The following PTPRD variants were observed in gnomAD, a reference collection of about 807,000 sequenced individuals.
The protein encoded by PTPRD is protein tyrosine phosphatase receptor type D.
A neutral mutation model predicts 214.5 loss-of-function variants in PTPRD; 34 were observed. The observed-to-expected ratio is 0.16, with a 90% CI of 0.12 to 0.21. The LOEUF (loss-of-function observed/expected upper bound fraction) is 0.21, where lower values mean the gene tolerates loss of function less well. PTPRD is among the 10% of genes least tolerant of loss of function. The pLI, the probability that PTPRD is intolerant of heterozygous loss-of-function variation, is 1.00. For missense variants in PTPRD, 2,545 were observed against 2,398.7 expected (o/e 1.06, Z -1.27); for synonymous variants, 1,128 against 845.7 (o/e 1.33, Z -5.79).
At chr9:8,673,509 T>A (rs1174990703) in intron 12 of PTPRD, among the ~76,000 whole-genome samples, 2 of 152,230 alleles carry the variant, frequency 1.3e-5, no homozygotes, top group African/African-American at 4.8e-5. Context: ...CAACTGCCAC[T>A]TATTTACACT....
intron 19 of PTPRD, among the ~76,000 whole-genome samples, chr9:8,521,857 A>G (rs968305060): frequency 6.6e-6 from 1 of 152,226 alleles, no homozygotes; most frequent in African/African-American, 2.4e-5. Flanking sequence ...CATAAGATAA[A>G]CACAAAAACA....
At chr9:9,558,963 G>T (rs1205323979) in intron 8 of PTPRD, among the ~76,000 whole-genome samples, 1 of 152,178 alleles carries the variant, frequency 6.6e-6, no homozygotes, top group Non-Finnish European at 1.5e-5. Context: ...TAAGGGACTT[G>T]TACTCAGTGT....
At chr9:9,939,838 T>G (rs1288352017) in intron 4 of PTPRD, among the ~76,000 whole-genome samples, 1 of 152,196 alleles carries the variant, frequency 6.6e-6, no homozygotes, top group Non-Finnish European at 1.5e-5. Context: ...TTGCTTAATG[T>G]AAATCAAACC....
intron 7 of PTPRD, among the ~76,000 whole-genome samples, chr9:9,595,391 CATATACAT>C (rs1417100166): frequency 7.6e-5 from 11 of 144,890 alleles, no homozygotes; most frequent in East Asian, 4.0e-4. Context: ...TATATTCCAC[CATATACAT>C]ATATACATAT....
intron 9 of PTPRD, among the ~76,000 whole-genome samples, chr9:9,361,840 C>G (rs1203434255): frequency 6.6e-6 from 1 of 151,004 alleles, no homozygotes; most frequent in East Asian, 2.0e-4. Context: ...TATTATACAA[C>G]TATTTATCAG....
At position 10,226,393 on chromosome 9, in the gene PTPRD, T is replaced by C. The variant is rs868470260; in HGVS notation, c.-545+114570A>G. Among the ~76,000 whole-genome samples, 5 of 151,740 alleles carry C rather than the reference T, an allele frequency of 3.3e-5. 1 individual carries two copies. In the Middle Eastern group the frequency reaches 0.01, roughly 310 times the overall value. ...TCCTCCCTCCAGTTTCCTCTCCAGGTGGAGGGTGACAACAGCCACAGAAAG... is the reference window on the plus strand; with the variant it reads ...TCCTCCCTCCAGTTTCCTCTCCAGGCGGAGGGTGACAACAGCCACAGAAAG... On this transcript the variant is annotated intron_variant, in intron 3 of 45. Transcript: ENST00000381196.
intron 14 of PTPRD, among the ~76,000 whole-genome samples, chr9:8,562,006 T>C (rs912631450): frequency 2.6e-5 from 4 of 152,144 alleles, no homozygotes; most frequent in African/African-American, 7.2e-5. Flanking sequence ...AGACCTACCA[T>C]TTAACCACAA....
At chr9:9,018,655 T>G (rs1375429004) in intron 11 of PTPRD, 42 bp downstream of exon 11, 2 of 152,248 alleles carry the variant, frequency 1.3e-5, no homozygotes, top group East Asian at 3.9e-4. Context: ...ATAAATAAAA[T>G]GTGAAAGCCA....
chr9:10,261,769 A>G (rs1462802076), intron 3 of PTPRD, among the ~76,000 whole-genome samples: 1 of 152,146 alleles, frequency 6.6e-6, no homozygotes, highest in Non-Finnish European at 1.5e-5. Flanking sequence ...TCTTATAAAA[A>G]GTGATAATGG....
intron 6 of PTPRD, among the ~76,000 whole-genome samples, chr9:9,755,324 T>C (rs997308702): frequency 6.6e-6 from 1 of 152,052 alleles, no homozygotes; most frequent in Non-Finnish European, 1.5e-5. Context: ...AATTAGAAAT[T>C]GTTTTAAGGG....
At chr9:10,431,560 A>C (rs1358017482) in intron 2 of PTPRD, among the ~76,000 whole-genome samples, 1 of 151,640 alleles carries the variant, frequency 6.6e-6, no homozygotes, top group Non-Finnish European at 1.5e-5. Flanking sequence ...AATATCCAGA[A>C]TCTACAATGA....
intron 14 of PTPRD, among the ~76,000 whole-genome samples, chr9:8,598,613 T>A (rs756546222): frequency 8.5e-5 from 13 of 152,312 alleles, no homozygotes; most frequent in Non-Finnish European, 1.5e-4. Context: ...GGTCTTTCTA[T>A]CAGATCATGC....
intron 8 of PTPRD, among the ~76,000 whole-genome samples, chr9:9,471,328 A>T (rs1445716377): frequency 6.6e-6 from 1 of 152,186 alleles, no homozygotes; most frequent in Admixed American, 6.5e-5. Flanking sequence ...TGAACTTATT[A>T]TACTGTCAAC....
At chr9:9,228,927 T>C (rs1302852883) in intron 9 of PTPRD, among the ~76,000 whole-genome samples, 4 of 152,068 alleles carry the variant, frequency 2.6e-5, no homozygotes, top group South Asian at 4.1e-4. Context: ...AGTTTATGTA[T>C]GTACATTACC....
intron 9 of PTPRD, among the ~76,000 whole-genome samples, chr9:9,377,896 T>C (rs563584892): frequency 6.6e-6 from 1 of 151,826 alleles, no homozygotes; most frequent in African/African-American, 2.4e-5. Flanking sequence ...GATTTTTGTT[T>C]TGTTGTTGTT....
intron 9 of PTPRD, among the ~76,000 whole-genome samples, chr9:9,330,569 T>C (rs2041924325): frequency 6.6e-6 from 1 of 152,078 alleles, no homozygotes; most frequent in African/African-American, 2.4e-5. Context: ...TTATTAAAAG[T>C]CTGTTCAGTA....
chr9:10,545,036 AG>A (rs1456432687), intron 2 of PTPRD, among the ~76,000 whole-genome samples: 5 of 152,140 alleles, frequency 3.3e-5, no homozygotes, highest in African/African-American at 1.2e-4. Context: ...TGTAAAAGGG[AG>A]AAATGTCAAT....
chr9:10,352,267 T>C (rs2097196075), intron 2 of PTPRD, among the ~76,000 whole-genome samples: 1 of 152,100 alleles, frequency 6.6e-6, no homozygotes, highest in Non-Finnish European at 1.5e-5. Flanking sequence ...TGGATTATTT[T>C]AATTATACAA....
At chr9:10,171,336 G>A (rs2099203991) in intron 3 of PTPRD, among the ~76,000 whole-genome samples, 1 of 151,772 alleles carries the variant, frequency 6.6e-6, no homozygotes, top group South Asian at 2.1e-4. Flanking sequence ...TTCTTGATAT[G>A]GTTCCTGATA....
Sources: gnomAD v4.1 joint callset for allele counts (sites outside exome capture counted in the v4.1 genomes callset) on GRCh38, gnomAD v4.1.1 for gene constraint, MANE v1.5 for transcripts, NCBI Gene and HGNC (gene_info 2026-07-23, HGNC 2026-07-21) for gene names.